The following CAMK2D variants were observed in gnomAD, a reference collection of about 807,000 sequenced individuals.
CAMK2D encodes the protein calcium/calmodulin dependent protein kinase II delta.
In CAMK2D, 37 loss-of-function variants were observed where a neutral mutation model predicts 84.0. The ratio of observed to expected loss-of-function variants is 0.44; its 90% CI spans 0.34 to 0.58. CAMK2D has a LOEUF of 0.58. CAMK2D is among the 20% of genes least tolerant of loss of function. CAMK2D has a pLI of 0.02. For synonymous variants in CAMK2D, 202 were observed against 212.5 expected (o/e 0.95, Z 0.43); for missense variants, 448 against 652.5 (o/e 0.69, Z 3.41).
intron 2 of CAMK2D, among the ~76,000 whole-genome samples, chr4:113,694,072 G>A (rs569013446): frequency 6.6e-6 from 1 of 152,130 alleles, no homozygotes; most frequent in South Asian, 2.1e-4. Flanking sequence ...AATTAAAGAC[G>A]CATTCATTAT....
intron 4 of CAMK2D, among the ~76,000 whole-genome samples, chr4:113,555,733 A>G (rs1370096561): frequency 2.6e-5 from 4 of 152,118 alleles, no homozygotes; most frequent in African/African-American, 9.7e-5. Context: ...ATAACAATAA[A>G]TATTCATTGG....
chr4:113,454,596 T>C (rs2097282730), intron 20 of CAMK2D, 81 bp from the exon 21 acceptor site: 1 of 756,796 alleles, frequency 1.3e-6, no homozygotes, highest in Admixed American at 1.8e-5. Flanking sequence ...TAGATTTGAC[T>C]AGGCTACAGT....
At position 113,720,982 on chromosome 4, in the gene CAMK2D, T is replaced by C. The variant is rs17046445; in HGVS notation, c.160+38338A>G. Among the ~76,000 whole-genome samples, 1,045 of 152,230 alleles carry C rather than the reference T, an allele frequency of 6.9e-3. 18 individuals carry two copies. Among genetic ancestry groups the C allele is most frequent in the African/African-American group, 0.023 (975 of 41,554 alleles). The stretch of plus-strand genomic sequence containing the variant: ...GAAACAAATGTTAAGATGTAATTGG[T>C]TTACATATGCAAGGATAAACAGGCT... On this transcript the variant is annotated intron_variant, in intron 2 of 20. Coordinates refer to ENST00000511664, the MANE Select transcript of CAMK2D (RefSeq NM_001321571.2).
At chr4:113,692,502 A>C (rs887298326) in intron 2 of CAMK2D, among the ~76,000 whole-genome samples, 1 of 152,120 alleles carries the variant, frequency 6.6e-6, no homozygotes, top group Admixed American at 6.6e-5. Context: ...ATATTCATAC[A>C]TACATATATT....
At chr4:113,489,935 G>A (rs2097809788) in intron 16 of CAMK2D, among the ~76,000 whole-genome samples, 1 of 149,944 alleles carries the variant, frequency 6.7e-6, no homozygotes, top group East Asian at 2.0e-4. Context: ...CTGCATAAAT[G>A]TCTTCTTTTG....
At chr4:113,499,559 T>C (rs1430478755) in intron 16 of CAMK2D, among the ~76,000 whole-genome samples, 1 of 152,214 alleles carries the variant, frequency 6.6e-6, no homozygotes, top group Non-Finnish European at 1.5e-5. Flanking sequence ...TAACACTACC[T>C]TTAGAATTAA....
At chr4:113,535,864 C>T (rs1437569807) in intron 7 of CAMK2D, among the ~76,000 whole-genome samples, 2 of 152,178 alleles carry the variant, frequency 1.3e-5, no homozygotes, top group Non-Finnish European at 2.9e-5. Context: ...ATACTTCCAC[C>T]CTGAATGGTA....
At chr4:113,475,452 T>G (rs757530022) in intron 16 of CAMK2D, among the ~76,000 whole-genome samples, 17 of 152,242 alleles carry the variant, frequency 1.1e-4, no homozygotes, top group Non-Finnish European at 2.5e-4. Context: ...AATGTTATTA[T>G]GCATCCATAA....
chr4:113,531,857 T>C (rs2098460611), intron 7 of CAMK2D, among the ~76,000 whole-genome samples: 1 of 152,210 alleles, frequency 6.6e-6, no homozygotes, highest in Non-Finnish European at 1.5e-5. Flanking sequence ...GAAAACTTCA[T>C]ATTATACATA....
At chr4:113,516,546 A>T (rs1286821038) in intron 9 of CAMK2D, among the ~76,000 whole-genome samples, 1 of 152,206 alleles carries the variant, frequency 6.6e-6, no homozygotes, top group Non-Finnish European at 1.5e-5. Context: ...TGTTCCAATT[A>T]CTAGTCTAGG....
chr4:113,638,666 T>C (rs1160693713), intron 3 of CAMK2D, among the ~76,000 whole-genome samples: 2 of 152,108 alleles, frequency 1.3e-5, no homozygotes, highest in Non-Finnish European at 1.5e-5. Context: ...TGCGAACTCA[T>C]TAGGGCTATG....
chr4:113,506,213 T>C (rs927243250), intron 13 of CAMK2D, among the ~76,000 whole-genome samples: 8 of 152,124 alleles, frequency 5.3e-5, no homozygotes, highest in Admixed American at 2.0e-4. Context: ...TAACTATATA[T>C]CCTGTCAAAA....
At chr4:113,720,402 T>A (rs1395319963) in intron 2 of CAMK2D, among the ~76,000 whole-genome samples, 5 of 148,782 alleles carry the variant, frequency 3.4e-5, no homozygotes, top group Non-Finnish European at 7.4e-5. Flanking sequence ...TCACACATTT[T>A]AAAAAAACGC....
At chr4:113,512,392 T>TA (rs1331280341) in intron 12 of CAMK2D, among the ~76,000 whole-genome samples, 1 of 152,226 alleles carries the variant, frequency 6.6e-6, no homozygotes, top group Non-Finnish European at 1.5e-5. Context: ...AACTTATTTT[T>TA]ACCATGGAAT....
intron 2 of CAMK2D, among the ~76,000 whole-genome samples, chr4:113,705,492 T>G (rs1003817675): frequency 3.3e-5 from 5 of 152,122 alleles, no homozygotes; most frequent in Non-Finnish European, 5.9e-5. Flanking sequence ...GCATTTGCTT[T>G]TAAAAGGTAG....
chr4:113,463,167 C>T (rs1168755529), intron 17 of CAMK2D, among the ~76,000 whole-genome samples: 1 of 152,068 alleles, frequency 6.6e-6, no homozygotes, highest in Admixed American at 6.6e-5. Flanking sequence ...TATAGTTTGT[C>T]TTACATTTAG....
At chr4:113,705,713 C>T (rs2154351363) in intron 2 of CAMK2D, among the ~76,000 whole-genome samples, 1 of 152,254 alleles carries the variant, frequency 6.6e-6, no homozygotes, top group Admixed American at 6.5e-5. Flanking sequence ...CCATAGATCT[C>T]CTTAGACTGG....
chr4:113,660,613 A>C (rs1348760218), intron 3 of CAMK2D, among the ~76,000 whole-genome samples: 1 of 151,500 alleles, frequency 6.6e-6, no homozygotes, highest in South Asian at 2.1e-4. Context: ...CTGGTCTCAA[A>C]CTCCTAGGTT....
intron 8 of CAMK2D, among the ~76,000 whole-genome samples, chr4:113,521,188 G>T (rs561421962): frequency 1.4e-5 from 2 of 144,790 alleles, no homozygotes; most frequent in Non-Finnish European, 1.5e-5. Context: ...TTAAAATAAC[G>T]CATTGGCTCC....
Sources: gnomAD v4.1 joint callset for allele counts (sites outside exome capture counted in the v4.1 genomes callset) on GRCh38, gnomAD v4.1.1 for gene constraint, MANE v1.5 for transcripts, NCBI Gene and HGNC (gene_info 2026-07-23, HGNC 2026-07-21) for gene names.